The following ARHGAP42 variants were observed in gnomAD, a reference collection of about 807,000 sequenced individuals.
ARHGAP42 encodes the protein rho GTPase-activating protein 42.
ARHGAP42 carries 63 observed loss-of-function variants against 125.0 expected under a neutral mutation model. The observed-to-expected ratio is 0.50, with a 90% CI of 0.41 to 0.62. The LOEUF (loss-of-function observed/expected upper bound fraction) is 0.62, where lower values mean the gene tolerates loss of function less well. ARHGAP42 is among the 20% of genes least tolerant of loss of function. The probability of loss-of-function intolerance (pLI) is 0.00; values close to 1 mark genes in which losing one functional copy is unlikely to be tolerated. For synonymous variants in ARHGAP42, 339 were observed against 351.0 expected (o/e 0.97, Z 0.38); for missense variants, 766 against 1,024.2 (o/e 0.75, Z 3.44).
intron 2 of ARHGAP42, among the ~76,000 whole-genome samples, chr11:100,780,670 T>C (rs571181368): frequency 1.3e-5 from 2 of 152,376 alleles, no homozygotes; most frequent in South Asian, 4.1e-4. Flanking sequence ...AGCTTTCTCT[T>C]GCCTCTCTTT....
chr11:100,768,757 T>C (rs1431804244), intron 1 of ARHGAP42, among the ~76,000 whole-genome samples: 1 of 152,212 alleles, frequency 6.6e-6, no homozygotes, highest in African/African-American at 2.4e-5. Flanking sequence ...CTTTTATTTA[T>C]TAGACTTAAA....
chr11:100,772,483 C>G (rs1863006760), intron 2 of ARHGAP42, among the ~76,000 whole-genome samples: 1 of 152,110 alleles, frequency 6.6e-6, no homozygotes, highest in African/African-American at 2.4e-5. Flanking sequence ...TTCTTTGGCC[C>G]TCAGTTTTGT....
intron 1 of ARHGAP42, among the ~76,000 whole-genome samples, chr11:100,732,710 T>C (rs1861980997): frequency 6.6e-6 from 1 of 152,204 alleles, no homozygotes; most frequent in Non-Finnish European, 1.5e-5. Flanking sequence ...TGTAGAGAGC[T>C]GTGTCTATGG....
chr11:100,760,380 G>A (rs1226768754), intron 1 of ARHGAP42, among the ~76,000 whole-genome samples: 1 of 152,100 alleles, frequency 6.6e-6, no homozygotes, highest in Non-Finnish European at 1.5e-5. Context: ...TAGCCTAGAA[G>A]GTAATAGCTT....
At chr11:100,907,285 G>T (rs1866763335) in intron 4 of ARHGAP42, among the ~76,000 whole-genome samples, 1 of 152,172 alleles carries the variant, frequency 6.6e-6, no homozygotes, top group Non-Finnish European at 1.5e-5. Context: ...CCTCTTTTGT[G>T]TATTATCCCT....
intron 4 of ARHGAP42, among the ~76,000 whole-genome samples, chr11:100,912,358 G>A (rs563709163): frequency 3.2e-4 from 48 of 152,170 alleles, no homozygotes; most frequent in Admixed American, 2.9e-3. Flanking sequence ...TGCAAGTAAT[G>A]AAGCAAAGCA....
At chr11:100,747,492 T>A (rs562347451) in intron 1 of ARHGAP42, among the ~76,000 whole-genome samples, 2 of 152,256 alleles carry the variant, frequency 1.3e-5, no homozygotes, top group Non-Finnish European at 2.9e-5. Context: ...AGCGGATTAG[T>A]GCTTTAAGAA....
chr11:100,939,854 G>A (rs1408341603), intron 8 of ARHGAP42, among the ~76,000 whole-genome samples: 1 of 152,094 alleles, frequency 6.6e-6, no homozygotes, highest in Non-Finnish European at 1.5e-5. Flanking sequence ...TTCAGATGGA[G>A]GCGGGAAAAA....
At chr11:100,976,551 A>C in intron 20 of ARHGAP42, 114 bp downstream of exon 20, 1 of 1,381,628 alleles carries the variant, frequency 7.2e-7, no homozygotes. Flanking sequence ...AATGATGCTT[A>C]TCTACTTTTT....
chr11:100,691,296 T>C (rs1691216172), intron 1 of ARHGAP42, among the ~76,000 whole-genome samples: 1 of 7,272 alleles, frequency 1.4e-4, no homozygotes, highest in South Asian at 0.011. Context: ...TACTTTTGCT[T>C]ATTAATTTTT....
At chr11:100,941,680 T>C (rs1206095145) in intron 8 of ARHGAP42, 104 bp from the exon 9 acceptor site, 1 of 640,608 alleles carries the variant, frequency 1.6e-6, no homozygotes, top group Non-Finnish European at 2.7e-6. Context: ...TAGCATGGTA[T>C]AGGAGAGATA....
intron 1 of ARHGAP42, among the ~76,000 whole-genome samples, chr11:100,769,136 C>G (rs1862910194): frequency 6.6e-6 from 1 of 152,056 alleles, no homozygotes; most frequent in Non-Finnish European, 1.5e-5. Flanking sequence ...AGAAGAGGTA[C>G]AGTAAAGATA....
rs1864509980 is a variant in ARHGAP42, at chr11:100,826,085, TC to T, written c.312+30920del. 2.0e-5 allele frequency among the ~76,000 whole-genome samples: 3 copies of T among 152,196 alleles called. No individual in the cohort carries two copies. The South Asian group carries it at 6.2e-4, about 32-fold the overall frequency. Reference sequence around the variant, plus strand: ...ATGCTGTTTTTTTTCTCTCTCTCTCTCTTTCCTTCCTTTCCCCACACCTCCC... The same window carrying T: ...ATGCTGTTTTTTTTCTCTCTCTCTCTTTTCCTTCCTTTCCCCACACCTCCC... On this transcript the variant is annotated intron_variant, in intron 3 of 23. Transcript: ENST00000298815.
At chr11:100,696,397 A>C (rs1177205059) in intron 1 of ARHGAP42, among the ~76,000 whole-genome samples, 1 of 151,994 alleles carries the variant, frequency 6.6e-6, no homozygotes, top group Non-Finnish European at 1.5e-5. Flanking sequence ...CTTGCTGCCC[A>C]GGCTGGAGTG....
At chr11:100,820,084 G>T (rs1037606164) in intron 3 of ARHGAP42, among the ~76,000 whole-genome samples, 1 of 152,076 alleles carries the variant, frequency 6.6e-6, no homozygotes, top group African/African-American at 2.4e-5. Flanking sequence ...GCATAATAAA[G>T]GCTTGGGTTT....
chr11:100,795,052 G>C, intron 2 of ARHGAP42, 53 bp from the exon 3 acceptor site: 1 of 1,337,624 alleles, frequency 7.5e-7, no homozygotes. Flanking sequence ...TGAGTAATTA[G>C]ATATTAGCTA....
chr11:100,833,522 G>A (rs1018020005), intron 3 of ARHGAP42, among the ~76,000 whole-genome samples: 1 of 152,126 alleles, frequency 6.6e-6, no homozygotes, highest in Admixed American at 6.6e-5. Context: ...GTCATCTCAA[G>A]GCTCATCCAC....
chr11:100,829,117 C>T (rs890864248), intron 3 of ARHGAP42, among the ~76,000 whole-genome samples: 2 of 152,118 alleles, frequency 1.3e-5, no homozygotes, highest in African/African-American at 4.8e-5. Flanking sequence ...TGGCCCTTAT[C>T]CTCATGCTTG....
chr11:100,948,667 G>A (rs1004538712), intron 11 of ARHGAP42, 132 bp downstream of exon 11: 3 of 630,794 alleles, frequency 4.8e-6, no homozygotes, highest in African/African-American at 1.9e-5. Flanking sequence ...AATCAGGGGA[G>A]TAGAGACTTT....
Sources: gnomAD v4.1 joint callset for allele counts (sites outside exome capture counted in the v4.1 genomes callset) on GRCh38, gnomAD v4.1.1 for gene constraint, MANE v1.5 for transcripts, NCBI Gene and HGNC (gene_info 2026-07-23, HGNC 2026-07-21) for gene names.